Variants in TRHDE observed in about 807,000 individuals in gnomAD.
TRHDE encodes thyrotropin-releasing hormone-degrading ectoenzyme.
Under a neutral mutation model 125.7 loss-of-function variants are expected in TRHDE, and 72 were observed. The ratio of observed to expected loss-of-function variants is 0.57; its 90% CI spans 0.47 to 0.70. The LOEUF is 0.70. Among genes scored for constraint, TRHDE ranks in the 30% least tolerant of loss-of-function variants. The probability of loss-of-function intolerance (pLI) is 0.00; values close to 1 mark genes in which losing one functional copy is unlikely to be tolerated. For missense variants in TRHDE, 1,110 were observed against 1,327.1 expected, an observed-to-expected ratio of 0.84 and a Z score of 2.54; for synonymous variants, 509 against 509.1, an observed-to-expected ratio of 1.00 and a Z score of 0.00.
intron 2 of TRHDE, among the ~76,000 whole-genome samples, chr12:72,128,861 G>A (rs1875786489): frequency 6.6e-6 from 1 of 152,006 alleles, no homozygotes; most frequent in Non-Finnish European, 1.5e-5. Context: ...GAAATAGAAG[G>A]AACATTTGGA....
intron 17 of TRHDE, among the ~76,000 whole-genome samples, chr12:72,654,884 T>A (rs1249009862): frequency 6.6e-6 from 1 of 152,146 alleles, no homozygotes; most frequent in East Asian, 1.9e-4. Flanking sequence ...ATAAACACAC[T>A]TTAGCCTCTT....
intron 2 of TRHDE, chr12:72,253,994 CA>C (rs1250612624): frequency 1.3e-5 from 2 of 151,730 alleles, no homozygotes; most frequent in East Asian, 3.9e-4. Context: ...GAGTGGCAGT[CA>C]GTGGAATTAA....
chr12:72,498,099 T>C (rs1474874245), intron 5 of TRHDE, among the ~76,000 whole-genome samples: 2 of 152,138 alleles, frequency 1.3e-5, no homozygotes, highest in African/African-American at 4.8e-5. Context: ...GCTGTGAAGC[T>C]CTTAGAGCAA....
chr12:72,093,112 G>A (rs1874830958), intron 1 of TRHDE, among the ~76,000 whole-genome samples: 1 of 152,188 alleles, frequency 6.6e-6, no homozygotes, highest in Non-Finnish European at 1.5e-5. Flanking sequence ...AATTGTGAAT[G>A]GGTTGGCAAG....
intron 1 of TRHDE, among the ~76,000 whole-genome samples, chr12:72,281,864 T>C (rs1879709208): frequency 6.6e-6 from 1 of 152,194 alleles, no homozygotes; most frequent in African/African-American, 2.4e-5. Context: ...CCTAGTGAAC[T>C]TCCGCAGAAA....
intron 2 of TRHDE, among the ~76,000 whole-genome samples, chr12:72,340,619 TG>T (rs1203873641): frequency 1.3e-5 from 2 of 152,056 alleles, no homozygotes; most frequent in Non-Finnish European, 2.9e-5. Flanking sequence ...TGTCCTGCCG[TG>T]GGTGGCTTAC....
chr12:72,245,768 C>T (rs1592498231), intron 2 of TRHDE, among the ~76,000 whole-genome samples: 2 of 151,760 alleles, frequency 1.3e-5, no homozygotes, highest in South Asian at 2.1e-4. Flanking sequence ...TATATATACA[C>T]ACACATATAT....
chr12:72,310,299 T>TTA (rs1868483316), intron 2 of TRHDE, among the ~76,000 whole-genome samples: 1 of 152,250 alleles, frequency 6.6e-6, no homozygotes, highest in Non-Finnish European at 1.5e-5. Flanking sequence ...CTAGCTTGTA[T>TTA]TATTATAAGT....
intron 3 of TRHDE, among the ~76,000 whole-genome samples, chr12:72,452,010 G>T (rs778779738): frequency 1.3e-5 from 2 of 152,032 alleles, no homozygotes; most frequent in Non-Finnish European, 2.9e-5. Context: ...TGTATTTTTA[G>T]TAGAGACAGG....
At chr12:72,225,249 C>T (rs1878106041) in intron 2 of TRHDE, among the ~76,000 whole-genome samples, 1 of 152,150 alleles carries the variant, frequency 6.6e-6, no homozygotes. Context: ...AAAGATATTT[C>T]TCTCTTTGAA....
chr12:72,497,663 CAGAT>C (rs1334789285), intron 5 of TRHDE, among the ~76,000 whole-genome samples: 13 of 152,016 alleles, frequency 8.6e-5, no homozygotes, highest in African/African-American at 3.1e-4. Context: ...ATTCAAATAT[CAGAT>C]AGTTTTCATC....
chr12:72,367,761 A>G (rs1057480789), intron 2 of TRHDE, among the ~76,000 whole-genome samples: 21 of 152,152 alleles, frequency 1.4e-4, no homozygotes, highest in African/African-American at 5.1e-4. Context: ...TGGTTTTGGA[A>G]TTATTAAAGA....
chr12:72,434,446 T>C (rs956480366), intron 3 of TRHDE, among the ~76,000 whole-genome samples: 1 of 151,878 alleles, frequency 6.6e-6, no homozygotes. Flanking sequence ...CCAAATACTT[T>C]ATATGTTTGC....
At chr12:72,524,251 G>C (rs1262724246) in intron 6 of TRHDE, among the ~76,000 whole-genome samples, 2 of 152,172 alleles carry the variant, frequency 1.3e-5, no homozygotes. Context: ...AGCAGAAAGG[G>C]AGATAGAGAA....
chr12:72,324,841 A>T (rs978362524), intron 2 of TRHDE, among the ~76,000 whole-genome samples: 1 of 152,154 alleles, frequency 6.6e-6, no homozygotes, highest in Non-Finnish European at 1.5e-5. Flanking sequence ...GTATGATTTT[A>T]TAGAACTCCT....
At chr12:72,375,996 C>T (rs1871863401) in intron 2 of TRHDE, among the ~76,000 whole-genome samples, 1 of 152,178 alleles carries the variant, frequency 6.6e-6, no homozygotes, top group Non-Finnish European at 1.5e-5. Context: ...ACAGCTCACA[C>T]AGGACATCTT....
intron 2 of TRHDE, among the ~76,000 whole-genome samples, chr12:72,210,370 A>G (rs1326091030): frequency 1.3e-5 from 2 of 152,144 alleles, no homozygotes; most frequent in African/African-American, 4.8e-5. Flanking sequence ...TCTATGTTCA[A>G]TGTGTCTGCT....
At chr12:72,584,618 T>C (rs1473243446) in intron 12 of TRHDE, among the ~76,000 whole-genome samples, 1 of 152,216 alleles carries the variant, frequency 6.6e-6, no homozygotes, top group Non-Finnish European at 1.5e-5. Flanking sequence ...AGATCATCTT[T>C]TTTAGATTCC....
intron 2 of TRHDE, among the ~76,000 whole-genome samples, chr12:72,183,415 A>G (rs181458783): frequency 6.6e-6 from 1 of 152,338 alleles, no homozygotes; most frequent in African/African-American, 2.4e-5. Flanking sequence ...TCATGTGTGG[A>G]GAATTATTAA....
Sources: allele counts gnomAD v4.1 joint callset (sites outside exome capture counted in the v4.1 genomes callset), GRCh38; gene constraint gnomAD v4.1.1; transcripts MANE v1.5; gene names NCBI Gene and HGNC (gene_info 2026-07-23, HGNC 2026-07-21).